The following C12orf50 variants were observed in gnomAD, a reference collection of about 807,000 sequenced individuals.
C12orf50 encodes uncharacterized protein C12orf50.
In C12orf50, 35 loss-of-function variants were observed where a neutral mutation model predicts 61.6. The ratio of observed to expected loss-of-function variants is 0.57; its 90% CI spans 0.43 to 0.75. C12orf50 has a LOEUF of 0.75. C12orf50 is among the 30% of genes least tolerant of loss of function. C12orf50 has a pLI of 0.00. For missense variants in C12orf50, 475 were observed against 488.5 expected (o/e 0.97, Z 0.26); for synonymous variants, 178 against 161.5 (o/e 1.10, Z -0.77).
At chr12:87,998,311 T>C in intron 3 of C12orf50, 121 bp from the exon 4 acceptor site, 1 of 658,612 alleles carries the variant, frequency 1.5e-6, no homozygotes, top group Non-Finnish European at 2.3e-6. Flanking sequence ...ACAATAATAA[T>C]ACATTAATGG....
intron 3 of C12orf50, among the ~76,000 whole-genome samples, chr12:88,004,248 C>CA (rs2031767096): frequency 6.6e-6 from 1 of 152,070 alleles, no homozygotes; most frequent in Non-Finnish European, 1.5e-5. Flanking sequence ...TGCTCATGAA[C>CA]ACTTTTCAAA....
chr12:87,980,325 C>G lies in C12orf50; in HGVS notation c.*6G>C, dbSNP rs1431554292. On this transcript the variant is annotated 3_prime_UTR_variant, in exon 13 of 13. Coordinates refer to ENST00000298699, the MANE Select transcript of C12orf50 (RefSeq NM_152589.3). The stretch of plus-strand genomic sequence containing the variant: ...TTCTCATTTTTCTCTCTCTCAACCT[C>G]CAGGTTTACTTGCTCCCATTTCTTC... 2.5e-6 allele frequency: 4 copies of G among 1,608,616 alleles called. No individual in the cohort carries two copies. In the African/African-American group the frequency reaches 5.4e-5, roughly 22 times the overall value.
rs1406305786 is a variant in C12orf50, at chr12:88,018,159, G to T, written c.133+8329C>A. On this transcript the variant is annotated intron_variant, in intron 3 of 12. Coordinates refer to ENST00000298699, the MANE Select transcript of C12orf50 (RefSeq NM_152589.3). ...TATCACAGGCCCAGAGACCTAGGAG[G>T]ACAAAATGGTTTCATGGGCTAGGCC... 3.9e-5 allele frequency among the ~76,000 whole-genome samples: 6 copies of T among 152,226 alleles called. No individual in the cohort carries two copies. In the East Asian group the frequency reaches 1.2e-3, roughly 29 times the overall value.
At chr12:87,991,523 G>T (rs1341478709) in intron 7 of C12orf50, among the ~76,000 whole-genome samples, 1 of 152,112 alleles carries the variant, frequency 6.6e-6, no homozygotes, top group Non-Finnish European at 1.5e-5. Context: ...TAGGTTGTCA[G>T]AAAGTATCCA....
At chr12:88,029,644 G>A (rs566291878), upstream of C12orf50, among the ~76,000 whole-genome samples, 3 of 152,134 alleles carry the variant, frequency 2.0e-5, no homozygotes, top group Non-Finnish European at 4.4e-5. Flanking sequence ...AATAGAAAGT[G>A]ATAAGTATTT....
At chr12:87,985,680 C>T in intron 11 of C12orf50, 170 bp downstream of exon 11, 1 of 664,748 alleles carries the variant, frequency 1.5e-6, no homozygotes, top group South Asian at 1.9e-5. Flanking sequence ...TCCTTTAAAT[C>T]ATGTGCAGGA....
chr12:88,003,081 A>C (rs911333902), intron 3 of C12orf50, among the ~76,000 whole-genome samples: 1 of 151,824 alleles, frequency 6.6e-6, no homozygotes, highest in Non-Finnish European at 1.5e-5. Context: ...AAAGGAGCTA[A>C]GAGGGGAAAA....
chr12:88,019,007 T>C (rs962660717), intron 3 of C12orf50, among the ~76,000 whole-genome samples: 2 of 152,066 alleles, frequency 1.3e-5, no homozygotes, highest in Non-Finnish European at 2.9e-5. Flanking sequence ...TTAAAATGAG[T>C]TAAGACTTTT....
upstream of C12orf50, among the ~76,000 whole-genome samples, chr12:88,029,673 T>C (rs2032828198): frequency 6.6e-6 from 1 of 152,204 alleles, no homozygotes. Flanking sequence ...AACAGCTATT[T>C]CTAAATCTTC....
intron 9 of C12orf50, among the ~76,000 whole-genome samples, chr12:87,986,789 CT>C (rs1050309960): frequency 7.9e-5 from 12 of 151,860 alleles, no homozygotes; most frequent in Non-Finnish European, 1.6e-4. Context: ...ATTTTTTGTA[CT>C]TTTTTAGCCA....
At chr12:88,014,044 C>T (rs1262433543) in intron 3 of C12orf50, among the ~76,000 whole-genome samples, 3 of 152,114 alleles carry the variant, frequency 2.0e-5, no homozygotes, top group Admixed American at 2.0e-4. Context: ...TGGAAGTACA[C>T]ATAACTCAGA....
At position 88,026,118 on chromosome 12, in the gene C12orf50, G is replaced by T. The variant is rs547095084; in HGVS notation, c.133+370C>A. Among the ~76,000 whole-genome samples, 5 of 152,094 alleles carry T rather than the reference G, an allele frequency of 3.3e-5. No homozygotes were observed. In the South Asian group the frequency reaches 6.2e-4, roughly 19 times the overall value. On this transcript the variant is annotated intron_variant, in intron 3 of 12. Transcript: ENST00000298699. Reference sequence around the variant, plus strand: ...CTCTCCACCTACGAGATAGCTTTCCGCACATTCACAGAGACCACCAGTGAA... The same window carrying T: ...CTCTCCACCTACGAGATAGCTTTCCTCACATTCACAGAGACCACCAGTGAA...
intron 3 of C12orf50, among the ~76,000 whole-genome samples, chr12:88,020,294 C>A (rs2032466986): frequency 6.6e-6 from 1 of 152,120 alleles, no homozygotes; most frequent in African/African-American, 2.4e-5. Flanking sequence ...TCAAGACACC[C>A]ATTGCACATA....
chr12:87,995,318 T>C (rs2031333002), intron 6 of C12orf50, among the ~76,000 whole-genome samples: 1 of 152,200 alleles, frequency 6.6e-6, no homozygotes, highest in Non-Finnish European at 1.5e-5. Flanking sequence ...AATGGCATAA[T>C]TGGTAAAATT....
intron 3 of C12orf50, among the ~76,000 whole-genome samples, chr12:88,011,407 A>G (rs1359049078): frequency 6.6e-6 from 1 of 152,192 alleles, no homozygotes; most frequent in East Asian, 1.9e-4. Context: ...TTAATTTAGA[A>G]TGATGATGAT....
chr12:87,994,077 G>A (rs1055485725), intron 7 of C12orf50, among the ~76,000 whole-genome samples: 4 of 152,040 alleles, frequency 2.6e-5, no homozygotes, highest in Admixed American at 6.6e-5. Context: ...GCACGCACCT[G>A]TAGTGCCAGC....
At position 87,985,921 on chromosome 12, in the gene C12orf50, C is replaced by T. The variant is rs779858673; in HGVS notation, c.1055G>A (p.Arg352His). 2.7e-5 allele frequency: 44 copies of T among 1,613,774 alleles called. No individual in the cohort carries two copies. The Admixed American group carries it at 4.3e-4, about 16-fold the overall frequency. Residue 352 changes from arginine to histidine, a missense_variant, in exon 11 of 13, where the codon CGC (arginine) becomes CAC (histidine). Coordinates refer to ENST00000298699, the MANE Select transcript of C12orf50 (RefSeq NM_152589.3). ...VRTVALNAPS[R>H]SRPTHGSYNK... ...GTAGGACCCATGCGTGGGCCTGCTG[C>T]GGGAAGGTGCATTCAACGCGACAGT...
At position 87,983,185 on chromosome 12, in the gene C12orf50, C is replaced by T. The variant is rs755150915; in HGVS notation, c.1137G>A (p.Thr379=). 2.3e-5 allele frequency: 36 copies of T among 1,590,498 alleles called. No individual in the cohort carries two copies. Among genetic ancestry groups the T allele is most frequent in the South Asian group, 4.6e-5 (4 of 87,184 alleles). Residue 379 remains threonine, a synonymous_variant, in exon 12 of 13, where the codon ACG becomes ACA. Transcript: ENST00000298699. ...PKPNLSPDKY[T]STSYNDSAWR... ...AGGCTGAATCATTATATGATGTTGA[C>T]GTATATTTGTCTGAGGGAAAAAAAT... is the stretch of plus-strand genomic sequence containing the variant.
At chr12:87,980,660 C>T (rs770930134) in intron 12 of C12orf50, among the ~76,000 whole-genome samples, 16 of 152,112 alleles carry the variant, frequency 1.1e-4, no homozygotes, top group Non-Finnish European at 1.5e-4. Context: ...CACCTTCACT[C>T]GCACCAGCAA....
Sources: allele counts gnomAD v4.1 joint callset (sites outside exome capture counted in the v4.1 genomes callset), GRCh38; gene constraint gnomAD v4.1.1; transcripts MANE v1.5; gene names NCBI Gene and HGNC (gene_info 2026-07-23, HGNC 2026-07-21).